Variants in MPHOSPH9 observed in about 807,000 individuals in gnomAD.
The protein encoded by MPHOSPH9 is M-phase phosphoprotein 9.
In MPHOSPH9, 88 loss-of-function variants were observed where a neutral mutation model predicts 145.5. The ratio of observed to expected loss-of-function variants is 0.60; its 90% CI spans 0.51 to 0.72. MPHOSPH9 has a LOEUF of 0.72. MPHOSPH9 is among the 30% of genes least tolerant of loss of function. The probability of loss-of-function intolerance (pLI) is 0.00; values close to 1 mark genes in which losing one functional copy is unlikely to be tolerated. For synonymous variants in MPHOSPH9, 435 were observed against 486.2 expected (o/e 0.89, Z 1.39); for missense variants, 1,238 against 1,386.6 (o/e 0.89, Z 1.70).
At chr12:123,169,274 T>C (rs1332353370) in intron 16 of MPHOSPH9, among the ~76,000 whole-genome samples, 1 of 149,964 alleles carries the variant, frequency 6.7e-6, no homozygotes, top group Non-Finnish European at 1.5e-5. Context: ...GGCGGGCAGA[T>C]AACGAGGTCA....
chr12:123,231,223 C>G (rs1161328842), intron 1 of MPHOSPH9, among the ~76,000 whole-genome samples: 1 of 152,176 alleles, frequency 6.6e-6, no homozygotes, highest in African/African-American at 2.4e-5. Context: ...CTCAAGTGCT[C>G]AGCCTCCCGA....
chr12:123,175,963 A>G (rs1727310), intron 16 of MPHOSPH9, among the ~76,000 whole-genome samples: 128,858 of 151,952 alleles, frequency 0.85, 55,007 homozygotes, highest in East Asian at 1. Flanking sequence ...GAACTCCTGG[A>G]CTCTAGCGAT....
At chr12:123,211,105 C>G (rs1341137166) in intron 7 of MPHOSPH9, among the ~76,000 whole-genome samples, 3 of 151,594 alleles carry the variant, frequency 2.0e-5, no homozygotes, top group Admixed American at 1.3e-4. Context: ...CTGCCTCAGC[C>G]TCCTGAGTAG....
intron 13 of MPHOSPH9, among the ~76,000 whole-genome samples, chr12:123,191,580 A>G (rs758273518): frequency 6.6e-6 from 1 of 152,194 alleles, no homozygotes; most frequent in Non-Finnish European, 1.5e-5. Flanking sequence ...GGCATGAGCC[A>G]TCACACTCAG....
In MPHOSPH9 at chr12:123,177,212, T is replaced by C. The variant is rs1286754617; in HGVS notation, c.2355-423A>G. On this transcript the variant is annotated intron_variant, in intron 15 of 23. Transcript: ENST00000606320. The stretch of plus-strand genomic sequence containing the variant: ...AAAGAGTTGCAAGTCCATAAACATT[T>C]TTCATAGTAAAACATCACCATTATT... Among the ~76,000 whole-genome samples, 3 of 151,024 alleles carry C rather than the reference T, an allele frequency of 2.0e-5. 1 individual carries two copies. Among genetic ancestry groups the C allele is most frequent in the Admixed American group, 2.0e-4 (3 of 15,108 alleles).
chr12:123,219,413 A>G (rs988233390), intron 5 of MPHOSPH9, among the ~76,000 whole-genome samples: 6 of 151,296 alleles, frequency 4.0e-5, no homozygotes, highest in East Asian at 2.0e-4. Flanking sequence ...CCTGGCTAAC[A>G]TGGTGAAACC....
At chr12:123,183,436 T>C (rs922159020) in intron 13 of MPHOSPH9, among the ~76,000 whole-genome samples, 8 of 147,860 alleles carry the variant, frequency 5.4e-5, no homozygotes, top group African/African-American at 2.0e-4. Context: ...TAGTCCCAGC[T>C]ACTCAGGAGG....
chr12:123,176,215 G>A (rs1426797984), intron 16 of MPHOSPH9, among the ~76,000 whole-genome samples: 1 of 152,000 alleles, frequency 6.6e-6, no homozygotes, highest in South Asian at 2.1e-4. Flanking sequence ...GTATCACCAA[G>A]ACAATGTTGA....
intron 11 of MPHOSPH9, among the ~76,000 whole-genome samples, chr12:123,200,766 C>T (rs553756274): frequency 6.6e-6 from 1 of 151,166 alleles, no homozygotes. Context: ...TCAAGTGATT[C>T]TCCTGCCTCA....
chr12:123,160,376 G>GT, intron 23 of MPHOSPH9: 1 of 174,322 alleles, frequency 5.7e-6, no homozygotes, highest in Non-Finnish European at 1.2e-5. Context: ...TTTCCAAAGT[G>GT]TAACCATTTT....
intron 8 of MPHOSPH9, among the ~76,000 whole-genome samples, chr12:123,204,090 G>A (rs571845690): frequency 1.1e-3 from 172 of 152,266 alleles, no homozygotes; most frequent in African/African-American, 4.0e-3. Flanking sequence ...ATCACTTGAA[G>A]TCGAGAGTTT....
At chr12:123,197,094 T>C (rs2045989613) in intron 12 of MPHOSPH9, among the ~76,000 whole-genome samples, 1 of 144,434 alleles carries the variant, frequency 6.9e-6, no homozygotes, top group South Asian at 2.3e-4. Context: ...GTGGTGGTGG[T>C]TGCCCAACTC....
intron 13 of MPHOSPH9, among the ~76,000 whole-genome samples, chr12:123,191,112 G>A (rs565811156): frequency 3.9e-5 from 6 of 152,042 alleles, no homozygotes; most frequent in East Asian, 1.9e-4. Flanking sequence ...ACTTGAGGTC[G>A]GGAGTTCGAG....
Position 123,203,355 on chromosome 12 carries a change from C to T in MPHOSPH9, c.1215G>A (p.Met405Ile). ...SPNQSNTSNEMKLPSLKDIYY... is the reference protein window; with the variant it reads ...SPNQSNTSNEIKLPSLKDIYY... ...AAATATCCTTCAGTGACGGTAGCTT[C>T]ATCTCATTACTAGTATTAGACTTAA... The change falls in exon 9 of 24, where the codon ATG becomes ATA. Residue 405 changes from methionine (M) to isoleucine (I), a missense_variant. Physicochemically the swap from Met to Ile is conservative, Grantham distance 10. Around this residue, in one of 3 missense-constraint regions of MPHOSPH9, gnomAD observed 837 missense variants for 897.5 expected, o/e 0.93. Coordinates refer to ENST00000606320, the MANE Select transcript of MPHOSPH9 (RefSeq NM_022782.4). The T allele has an allele frequency of 1.2e-6, 2 of 1,606,580 alleles. No homozygotes were observed. Among genetic ancestry groups the T allele is most frequent in the Non-Finnish European group, 1.7e-6 (2 of 1,173,870 alleles).
upstream of MPHOSPH9, among the ~76,000 whole-genome samples, chr12:123,237,349 G>C (rs959412620): frequency 2.0e-5 from 3 of 152,150 alleles, no homozygotes; most frequent in Admixed American, 6.6e-5. Flanking sequence ...AGAATCACTT[G>C]AACCTGGGAG....
intron 13 of MPHOSPH9, among the ~76,000 whole-genome samples, chr12:123,191,304 A>G (rs959483736): frequency 1.3e-5 from 2 of 152,128 alleles, no homozygotes; most frequent in African/African-American, 2.4e-5. Flanking sequence ...CTGGGCAACA[A>G]GAATGAAACT....
chr12:123,183,672 T>TGAGA (rs548191975), intron 13 of MPHOSPH9, among the ~76,000 whole-genome samples: 1 of 150,450 alleles, frequency 6.6e-6, no homozygotes, highest in East Asian at 2.0e-4. Flanking sequence ...AGCATAACTG[T>TGAGA]GAGAGATGCC....
intron 3 of MPHOSPH9, among the ~76,000 whole-genome samples, chr12:123,224,491 G>A (rs533359037): frequency 1.3e-5 from 2 of 151,726 alleles, no homozygotes; most frequent in South Asian, 2.1e-4. Context: ...GGCTGTTCTC[G>A]AACTCCTGAC....
chr12:123,194,432 T>C lies in MPHOSPH9; in HGVS notation c.2195A>G (p.Asp732Gly), dbSNP rs1298331235. 3 of 1,608,138 alleles carry C rather than the reference T, an allele frequency of 1.9e-6. No homozygotes were observed. The highest frequency in any genetic ancestry group is 1.7e-5 in the Admixed American group (1 of 59,216). ...EAFENAYKLSDDKEAQLKQEN... is the reference protein window; with the variant it reads ...EAFENAYKLSGDKEAQLKQEN... ...TTGTTTTAGTTGAGCTTCTTTATCA[T>C]CTGAGAGTTTGTAAGCATTCTCAAA... Residue 732 changes from aspartate (D) to glycine (G), a missense_variant, in exon 13 of 24, where the codon GAT (aspartate) becomes GGT (glycine). Physicochemically the swap from Asp to Gly is moderately conservative, Grantham distance 94. Transcript: ENST00000606320.
Sources: allele counts gnomAD v4.1 joint callset (sites outside exome capture counted in the v4.1 genomes callset), GRCh38; gene constraint gnomAD v4.1.1; regional missense constraint gnomAD v4.1.1; transcripts MANE v1.5; gene names NCBI Gene and HGNC (gene_info 2026-07-23, HGNC 2026-07-21).